ZNF704: variants seen among roughly 807,000 people sequenced by gnomAD.
ZNF704 encodes the protein glucocorticoid induced gene 1.
Under a neutral mutation model 44.7 loss-of-function variants are expected in ZNF704, and 10 were observed. The observed-to-expected ratio is 0.22, with a 90% CI of 0.14 to 0.38. The LOEUF (loss-of-function observed/expected upper bound fraction) is 0.38. Ranked by LOEUF, ZNF704 falls within the 10% of genes least tolerant of loss-of-function variation. The pLI, the probability that ZNF704 is intolerant of heterozygous loss-of-function variation, is 1.00. For missense variants in ZNF704, 390 were observed against 545.5 expected (o/e 0.71, Z 2.84); for synonymous variants, 211 against 207.6 (o/e 1.02, Z -0.14).
intron 7 of ZNF704, among the ~76,000 whole-genome samples, chr8:80,645,509 G>A (rs1191780309): frequency 6.6e-6 from 1 of 152,140 alleles, no homozygotes; most frequent in Non-Finnish European, 1.5e-5. Flanking sequence ...GGGCCTGGTG[G>A]GAGGTGTGTG....
rs535474483 is a variant in ZNF704, at chr8:80,826,479, G to A, written c.-21-4864C>T. Among the ~76,000 whole-genome samples, 569 of 152,108 alleles carry A rather than the reference G, an allele frequency of 3.7e-3. 5 individuals are homozygous for A. The highest frequency in any genetic ancestry group is 0.013 in the African/African-American group (551 of 41,434). ...TCCAGGAACAGACGGATTCACAGGCGAATTCTACCAGAGGTACAAAGAGGA... is the reference window on the plus strand; with the variant it reads ...TCCAGGAACAGACGGATTCACAGGCAAATTCTACCAGAGGTACAAAGAGGA... On this transcript the variant is annotated intron_variant, in intron 1 of 8. Coordinates refer to ENST00000327835, the MANE Select transcript of ZNF704 (RefSeq NM_001033723.3).
chr8:80,874,319 C>T lies in ZNF704; in HGVS notation c.-22+252G>A, dbSNP rs1168619633. Among the ~76,000 whole-genome samples, 1 of 145,088 alleles carries T rather than the reference C, an allele frequency of 6.9e-6. No homozygotes were observed. The highest frequency in any genetic ancestry group is 2.5e-5 in the African/African-American group (1 of 40,570). ...GGTGTGAGCGAGCGGCGCGCTGCCG[C>T]CTCCGCCGCCGCCGCCGCCGCCCGG... On this transcript the variant is annotated intron_variant, in intron 1 of 8. Coordinates refer to ENST00000327835, the MANE Select transcript of ZNF704 (RefSeq NM_001033723.3). This position sits in a 1 kb window ranked among gnomAD's most constrained non-coding sequence, Gnocchi z 4.4.
At chr8:80,647,820 G>A (rs933688520) in intron 7 of ZNF704, among the ~76,000 whole-genome samples, 14 of 152,306 alleles carry the variant, frequency 9.2e-5, no homozygotes, top group East Asian at 1.9e-4. Context: ...CAGCAGGGTC[G>A]GGGAGGCATG....
chr8:80,734,566 G>A (rs1470051352), intron 2 of ZNF704, among the ~76,000 whole-genome samples: 1 of 152,178 alleles, frequency 6.6e-6, no homozygotes, highest in African/African-American at 2.4e-5. Flanking sequence ...CAGATGTGAT[G>A]CTGTCACTTT....
intron 7 of ZNF704, among the ~76,000 whole-genome samples, chr8:80,652,314 G>A (rs1312711561): frequency 1.3e-5 from 2 of 151,918 alleles, no homozygotes; most frequent in Non-Finnish European, 2.9e-5. Context: ...AAATAACTAA[G>A]ATCAGAGCAG....
intron 4 of ZNF704, among the ~76,000 whole-genome samples, chr8:80,676,096 T>C (rs1440776992): frequency 6.6e-6 from 1 of 152,192 alleles, no homozygotes; most frequent in Non-Finnish European, 1.5e-5. Context: ...GGAATGTTCC[T>C]TGGATTTGGC....
intron 1 of ZNF704, among the ~76,000 whole-genome samples, chr8:80,837,548 ACC>A (rs1808602846): frequency 6.6e-6 from 1 of 152,050 alleles, no homozygotes. Flanking sequence ...TTAGGGGCAG[ACC>A]ATCGAGCTGC....
chr8:80,793,810 T>C (rs542338687), intron 2 of ZNF704, among the ~76,000 whole-genome samples: 1 of 152,286 alleles, frequency 6.6e-6, no homozygotes, highest in Non-Finnish European at 1.5e-5. Flanking sequence ...CCACTCTCTA[T>C]GTACCACAAT....
chr8:80,657,091 C>T (rs1282975338), intron 7 of ZNF704, among the ~76,000 whole-genome samples: 12 of 152,122 alleles, frequency 7.9e-5, no homozygotes, highest in African/African-American at 1.9e-4. Flanking sequence ...GGGTGTACAA[C>T]AGTCCTGCAT....
At chr8:80,878,976 A>G (rs1809392944), upstream of ZNF704, among the ~76,000 whole-genome samples, 1 of 152,182 alleles carries the variant, frequency 6.6e-6, no homozygotes, top group Non-Finnish European at 1.5e-5. Context: ...CAATAAATAG[A>G]ACGCTGGATT....
At chr8:80,812,723 C>T (rs1808109316) in intron 2 of ZNF704, 1 of 152,154 alleles carries the variant, frequency 6.6e-6, no homozygotes, top group Admixed American at 6.5e-5. Context: ...ATCACTGTCT[C>T]TTTTTCCTAT....
intron 2 of ZNF704, among the ~76,000 whole-genome samples, chr8:80,702,742 T>C (rs1449115264): frequency 6.6e-6 from 1 of 152,072 alleles, no homozygotes; most frequent in African/African-American, 2.4e-5. Context: ...GGAGATTTTC[T>C]ATGTAGAAAA....
chr8:80,635,775 C>T lies in ZNF704; in HGVS notation c.*5591G>A, dbSNP rs1348912935. On this transcript the variant is annotated 3_prime_UTR_variant, in exon 9 of 9. Coordinates refer to ENST00000327835, the MANE Select transcript of ZNF704 (RefSeq NM_001033723.3). ...TCTTTTTCCATACTTTGAAAACACA[C>T]TAGTAATGGTAAAAGGAGTAGCTGT... The T allele has an allele frequency of 2.0e-5, 3 of 152,162 alleles. No individual in the cohort carries two copies. Among genetic ancestry groups the T allele is most frequent in the African/African-American group, 4.8e-5 (2 of 41,438 alleles). The allele number at this position is 152,162 out of a possible 1,614,324, so 9.4% of individuals were successfully genotyped here.
chr8:80,644,830 T>A (rs1415533292), intron 7 of ZNF704: 1 of 667,254 alleles, frequency 1.5e-6, no homozygotes, highest in Admixed American at 2.4e-5. Flanking sequence ...CTTTTAAATA[T>A]CAAAGTGAGA....
chr8:80,876,957 G>A (rs1809363471), upstream of ZNF704, among the ~76,000 whole-genome samples: 1 of 152,150 alleles, frequency 6.6e-6, no homozygotes, highest in African/African-American at 2.4e-5. Flanking sequence ...AATTGCTATA[G>A]ATGAAAGAAA....
At chr8:80,686,863 A>C (rs1022184634) in intron 4 of ZNF704, among the ~76,000 whole-genome samples, 7 of 152,174 alleles carry the variant, frequency 4.6e-5, no homozygotes, top group Non-Finnish European at 8.8e-5. Context: ...AAATATATTA[A>C]TTATATTTTA....
chr8:80,676,970 C>T (rs1403911461), intron 4 of ZNF704, among the ~76,000 whole-genome samples: 4 of 152,078 alleles, frequency 2.6e-5, no homozygotes, highest in Non-Finnish European at 5.9e-5. Context: ...GCCCGAGGCC[C>T]GGGAGTTGGG....
chr8:80,670,618 G>A lies in ZNF704; in HGVS notation c.559-15C>T, dbSNP rs1331343026. The A allele has an allele frequency of 6.5e-7, 1 of 1,533,882 alleles. No homozygotes were observed. The highest frequency in any genetic ancestry group is 9.0e-7 in the Non-Finnish European group (1 of 1,108,102). ...TTCATGGAATTCTGTAAAGGGGAGA[G>A]AGTGATATTAGAATGGAAACTATTT... On this transcript the variant is annotated splice_polypyrimidine_tract_variant and intron_variant, in intron 4 of 8. Transcript: ENST00000327835.
At chr8:80,820,878 C>T (rs974055052) in intron 2 of ZNF704, among the ~76,000 whole-genome samples, 2 of 151,982 alleles carry the variant, frequency 1.3e-5, no homozygotes, top group African/African-American at 4.8e-5. Context: ...TGCACTCCAG[C>T]TTGAGCGACA....
Sources: allele counts gnomAD v4.1 joint callset (sites outside exome capture counted in the v4.1 genomes callset), GRCh38; gene constraint gnomAD v4.1.1; non-coding constraint Gnocchi (gnomAD v3.1); transcripts MANE v1.5; gene names NCBI Gene and HGNC (gene_info 2026-07-23, HGNC 2026-07-21).